The following NDST1 variants were observed in gnomAD, a reference collection of about 807,000 sequenced individuals.
The protein encoded by NDST1 is bifunctional heparan sulfate N-deacetylase/N-sulfotransferase 1.
A neutral mutation model predicts 92.8 loss-of-function variants in NDST1; 35 were observed. The observed-to-expected ratio is 0.38, with a 90% CI of 0.29 to 0.50. NDST1 has a LOEUF of 0.50. NDST1 is among the 20% of genes least tolerant of loss of function. The pLI is 0.94. For synonymous variants in NDST1, 493 were observed against 500.3 expected, an observed-to-expected ratio of 0.99 and a Z score of 0.19; for missense variants, 822 against 1,182.7, an observed-to-expected ratio of 0.69 and a Z score of 4.47.
Position 150,554,082 on chromosome 5 carries a change from G to C in NDST1, c.*750G>C, listed in dbSNP as rs1222534774. On this transcript the variant is annotated 3_prime_UTR_variant, in exon 15 of 15. Transcript: ENST00000261797. ...GTGTTTCCTGTGGTAAAAGACTGAG[G>C]CAGGCCAGGGGTCTGCCAGTAACAT... 1.2e-5 allele frequency: 5 copies of C among 402,240 alleles called. No individual in the cohort carries two copies. Among genetic ancestry groups the C allele is most frequent in the Non-Finnish European group, 8.8e-6 (2 of 228,198 alleles). The allele number at this position is 402,240 out of a possible 1,614,324, so 24.9% of individuals were successfully genotyped here.
chr5:150,522,906 C>T (rs76940454), intron 2 of NDST1, among the ~76,000 whole-genome samples: 2,094 of 152,314 alleles, frequency 0.014, 34 homozygotes, highest in South Asian at 0.065. Flanking sequence ...GTTAAGTGCA[C>T]GAGTCCTAAA....
At chr5:150,546,780 A>C (rs1305344508) in intron 11 of NDST1, among the ~76,000 whole-genome samples, 1 of 151,786 alleles carries the variant, frequency 6.6e-6, no homozygotes, top group Non-Finnish European at 1.5e-5. Flanking sequence ...TCCTCCTGCC[A>C]CTCTCTGAGG....
At chr5:150,537,642 C>T (rs886338522) in intron 6 of NDST1, among the ~76,000 whole-genome samples, 4 of 152,198 alleles carry the variant, frequency 2.6e-5, no homozygotes, top group African/African-American at 4.8e-5. Context: ...ATTTTAATTT[C>T]GCCCCGTCCT....
At chr5:150,544,289 G>A (rs749785070) in intron 10 of NDST1, among the ~76,000 whole-genome samples, 7 of 152,222 alleles carry the variant, frequency 4.6e-5, no homozygotes, top group Non-Finnish European at 1.0e-4. Context: ...TTTACACTAA[G>A]TAAGAGGAAT....
upstream of NDST1, among the ~76,000 whole-genome samples, chr5:150,505,245 C>G (rs1753398712): frequency 1.3e-5 from 2 of 152,202 alleles, no homozygotes; most frequent in South Asian, 2.1e-4. Context: ...TTCCCCATCC[C>G]TGCCTACCTG....
At chr5:150,523,543 A>G (rs2151273076) in intron 2 of NDST1, among the ~76,000 whole-genome samples, 1 of 152,342 alleles carries the variant, frequency 6.6e-6, no homozygotes, top group South Asian at 2.1e-4. Flanking sequence ...TCTGATGAGT[A>G]TAGGTCTGGG....
In NDST1 at chr5:150,546,386, G is replaced by A. The variant is rs567927892; in HGVS notation, c.2145+900G>A. Among the ~76,000 whole-genome samples the A allele has an allele frequency of 7.9e-5, 12 of 152,336 alleles. No individual in the cohort carries two copies. In the South Asian group the frequency reaches 1.2e-3, roughly 16 times the overall value. On this transcript the variant is annotated intron_variant, in intron 11 of 14. Coordinates refer to ENST00000261797, the MANE Select transcript of NDST1 (RefSeq NM_001543.5). ...GCAGGAATGCTTTTAGGCCTTCCCT[G>A]GTGGGGTAGGCGGAGTCCCTCCCCT... is the stretch of plus-strand genomic sequence containing the variant.
chr5:150,505,651 C>A (rs906463031), upstream of NDST1, among the ~76,000 whole-genome samples: 4 of 152,184 alleles, frequency 2.6e-5, no homozygotes, highest in Non-Finnish European at 5.9e-5. Context: ...GAAGCTGGGG[C>A]CACTGTGCCC....
intron 6 of NDST1, among the ~76,000 whole-genome samples, chr5:150,536,910 A>T (rs998618057): frequency 3.9e-5 from 6 of 152,266 alleles, no homozygotes; most frequent in Non-Finnish European, 7.3e-5. Context: ...AGAAATGCAC[A>T]GAACGGAGGA....
intron 8 of NDST1, among the ~76,000 whole-genome samples, chr5:150,540,993 C>T (rs1007423340): frequency 9.9e-5 from 15 of 152,240 alleles, no homozygotes; most frequent in Admixed American, 2.0e-4. Flanking sequence ...TCTGCTCCTA[C>T]GGGCTTTTAA....
chr5:150,517,317 T>G (rs1397711023), intron 1 of NDST1, among the ~76,000 whole-genome samples: 54 of 151,752 alleles, frequency 3.6e-4, no homozygotes, highest in Admixed American at 2.9e-3. Flanking sequence ...TTTTTTTTTT[T>G]TTGTAGAGAT....
chr5:150,545,601 G>A (rs1382569251), intron 11 of NDST1, 115 bp downstream of exon 11: 2 of 1,349,970 alleles, frequency 1.5e-6, no homozygotes, highest in Non-Finnish European at 2.1e-6. Context: ...TGCCAGCCCT[G>A]AGCCAGGCGC....
Position 150,539,692 on chromosome 5 carries a change from C to T in NDST1, c.1566+336C>T, listed in dbSNP as rs559238536. 63 of 984,756 alleles carry T rather than the reference C, an allele frequency of 6.4e-5. No homozygotes were observed. In the Admixed American group the frequency reaches 1.2e-3, roughly 18 times the overall value. The allele number at this position is 984,756 out of a possible 1,614,324, so 61.0% of individuals were successfully genotyped here. ...AACAACATTTGAGTTTTCTAGGTCT[C>T]GCTTTCCTTATTTGTAAAATGCAAA... On this transcript the variant is annotated intron_variant, in intron 7 of 14. Coordinates refer to ENST00000261797, the MANE Select transcript of NDST1 (RefSeq NM_001543.5).
chr5:150,556,581 C>T lies in NDST1; in HGVS notation c.*3249C>T, dbSNP rs920865533. On this transcript the variant is annotated 3_prime_UTR_variant, in exon 15 of 15. Coordinates refer to ENST00000261797, the MANE Select transcript of NDST1 (RefSeq NM_001543.5). ...AGATCTAAAATTATTAACATTTTGC[C>T]ACATTCTTTTTCTCTCTCTGTGTAT... 7 of 152,192 alleles carry T rather than the reference C, an allele frequency of 4.6e-5. No individual in the cohort carries two copies. Among genetic ancestry groups the T allele is most frequent in the African/African-American group, 1.7e-4 (7 of 41,444 alleles). 9.4% of individuals were successfully genotyped at this position (152,192 alleles called of 1,614,324 possible). A position where few individuals can be genotyped will look rare whatever the true frequency, so the allele number is the denominator to read the frequency against.
At chr5:150,535,401 G>T (rs1754937639) in intron 5 of NDST1, 2 of 985,268 alleles carry the variant, frequency 2.0e-6, no homozygotes, top group Non-Finnish European at 2.4e-6. Flanking sequence ...AGGTAGGAAA[G>T]GCCCTCGTCC....
In NDST1 at chr5:150,548,272, A is replaced by G; in HGVS notation, c.2200A>G (p.Ile734Val). The change falls in exon 12 of 15, where the codon ATT (isoleucine) becomes GTT (valine). Residue 734 changes from isoleucine to valine, a missense_variant. Ile to Val is a conservative substitution (Grantham distance 29). Transcript: ENST00000261797. ...VALKYTFHEVITAGSDASSKL... is the reference protein window; with the variant it reads ...VALKYTFHEVVTAGSDASSKL... ...CCTAAAGTACACCTTCCATGAGGTG[A>G]TTACCGCCGGCTCTGACGCATCCTC... 1 of 1,614,122 alleles carries G rather than the reference A, an allele frequency of 6.2e-7. No homozygotes were observed.
intron 12 of NDST1, 142 bp downstream of exon 12, chr5:150,548,530 A>G: frequency 1.2e-6 from 1 of 848,182 alleles, no homozygotes; most frequent in Non-Finnish European, 1.8e-6. Context: ...CTATAAAAAG[A>G]TTTTATTATT....
chr5:150,522,388 G>T (rs770430122), intron 2 of NDST1, among the ~76,000 whole-genome samples: 1 of 152,042 alleles, frequency 6.6e-6, no homozygotes, highest in Non-Finnish European at 1.5e-5. Context: ...CAGAATGACC[G>T]CCGGGATTGG....
intron 14 of NDST1, among the ~76,000 whole-genome samples, chr5:150,552,906 G>A (rs1360870047): frequency 6.6e-6 from 1 of 152,110 alleles, no homozygotes; most frequent in East Asian, 1.9e-4. Flanking sequence ...GAGTGCAATC[G>A]CGTGATCTTG....
Sources: allele counts gnomAD v4.1 joint callset (sites outside exome capture counted in the v4.1 genomes callset), GRCh38; gene constraint gnomAD v4.1.1; transcripts MANE v1.5; gene names NCBI Gene and HGNC (gene_info 2026-07-23, HGNC 2026-07-21).